The following PCID2 variants were observed in gnomAD, a reference collection of about 807,000 sequenced individuals.
PCID2 encodes PCI domain containing 2.
PCID2 carries 41 observed loss-of-function variants against 61.3 expected under a neutral mutation model. The observed-to-expected ratio is 0.67, with a 90% CI of 0.52 to 0.87. The LOEUF is 0.87. Ranked by LOEUF, PCID2 falls within the 40% of genes least tolerant of loss-of-function variation. The pLI is 0.00. For missense variants in PCID2, 392 were observed against 493.4 expected (o/e 0.79, Z 1.95); for synonymous variants, 187 against 177.8 (o/e 1.05, Z -0.41).
At chr13:113,171,740 G>T in the PCID2 span, 9 of 1,612,160 alleles carry the variant, frequency 5.6e-6, no homozygotes, top group Non-Finnish European at 6.8e-6. This position sits in a 1 kb window ranked among gnomAD's most constrained non-coding sequence, Gnocchi z 5.1. Context: ...GGGGCTCCCC[G>T]TGTGCACCCC....
intron 1 of PCID2, among the ~76,000 whole-genome samples, chr13:113,206,441 G>T (rs927085193): frequency 1.3e-5 from 2 of 152,190 alleles, no homozygotes; most frequent in African/African-American, 4.8e-5. Flanking sequence ...AGAAGGGATG[G>T]ATCTGAGAGA....
Position 113,179,002 on chromosome 13 carries a change from G to C in PCID2, c.1074C>G (p.Asp358Glu), listed in dbSNP as rs371416495. ...KFMQVEDVDI[D>E]EVQCILANLI... is the part of the protein sequence containing the mutation. ...AGTTAGCCAGAATACACTGAACTTCGTCAATGTCCACGTCCTCCACCTGCA... is the reference window on the plus strand; with the variant it reads ...AGTTAGCCAGAATACACTGAACTTCCTCAATGTCCACGTCCTCCACCTGCA... The change falls in exon 13 of 14, where the codon GAC becomes GAG. Residue 358 changes from aspartate (D) to glutamate (E), a missense_variant. Asp to Glu is a conservative substitution (Grantham distance 45, BLOSUM62 2). Coordinates refer to ENST00000337344, the MANE Select transcript of PCID2 (RefSeq NM_001127202.4). The surrounding 1 kb of genome is among the most constrained non-coding windows in gnomAD (Gnocchi z 4.3). 2 of 1,613,512 alleles carry C rather than the reference G, an allele frequency of 1.2e-6. No homozygotes were observed. The highest frequency in any genetic ancestry group is 1.7e-6 in the Non-Finnish European group (2 of 1,179,486).
At chr13:113,204,597 G>A (rs78603642) in intron 1 of PCID2, among the ~76,000 whole-genome samples, 2,796 of 152,220 alleles carry the variant, frequency 0.018, 78 homozygotes, top group African/African-American at 0.063. Context: ...GTGTCCCACG[G>A]GTGACCTGAC....
Position 113,197,588 on chromosome 13 carries a change from G to A in PCID2, c.201-345C>T, listed in dbSNP as rs147732032. On this transcript the variant is annotated intron_variant, in intron 3 of 13. Coordinates refer to ENST00000337344, the MANE Select transcript of PCID2 (RefSeq NM_001127202.4). ...CAGTGTTAGTTCATCGCCAAATCTG[G>A]AACCTATCGCACACTGCACAGAGCT... 1.1e-4 allele frequency among the ~76,000 whole-genome samples: 16 copies of A among 152,316 alleles called. No homozygotes were observed. The East Asian group carries it at 3.1e-3, about 29-fold the overall frequency.
the PCID2 span, chr13:113,165,014 G>T: frequency 1.3e-6 from 2 of 1,597,190 alleles, no homozygotes; most frequent in East Asian, 2.2e-5. Context: ...CGCTGAGAAG[G>T]CGCTGATTTT....
the PCID2 span, chr13:113,165,129 G>A: frequency 6.2e-7 from 1 of 1,608,922 alleles, no homozygotes; most frequent in South Asian, 1.1e-5. Flanking sequence ...AGGTAACAGA[G>A]CGCTCTCCGC....
chr13:113,206,273 G>T (rs9604036), intron 1 of PCID2, among the ~76,000 whole-genome samples: 3,563 of 152,288 alleles, frequency 0.023, 146 homozygotes, highest in African/African-American at 0.081. Context: ...CATGGTCCCA[G>T]AATTAGTAAA....
At chr13:113,183,059 C>T (rs923409630) in intron 9 of PCID2, among the ~76,000 whole-genome samples, 4 of 152,172 alleles carry the variant, frequency 2.6e-5, no homozygotes, top group African/African-American at 9.7e-5. Flanking sequence ...ACAATCAGGG[C>T]TCTAGGAATT....
chr13:113,172,966 A>G (rs992883999), downstream of PCID2, among the ~76,000 whole-genome samples: 1 of 152,164 alleles, frequency 6.6e-6, no homozygotes. Context: ...AACTTACCCC[A>G]AGATGATGAT....
At chr13:113,184,206 G>A in intron 9 of PCID2, 140 bp downstream of exon 9, 1 of 890,874 alleles carries the variant, frequency 1.1e-6, no homozygotes, top group Non-Finnish European at 1.7e-6. Context: ...ATCAGCTTTA[G>A]TGTCAAATAT....
intron 3 of PCID2, 119 bp from the exon 4 acceptor site, chr13:113,197,362 A>C (rs2138875887): frequency 1.4e-6 from 1 of 710,910 alleles, no homozygotes; most frequent in African/African-American, 1.7e-5. Context: ...GAGTGAAGGA[A>C]GAAACACACA....
At chr13:113,208,008 T>A in intron 1 of PCID2, 1 of 1,608,482 alleles carries the variant, frequency 6.2e-7, no homozygotes, top group Non-Finnish European at 8.5e-7. Context: ...CTTTTAACTG[T>A]GCTTCTGCTA....
intron 1 of PCID2, among the ~76,000 whole-genome samples, chr13:113,207,046 C>T (rs1215037855): frequency 6.6e-6 from 1 of 152,318 alleles, no homozygotes; most frequent in Non-Finnish European, 1.5e-5. Flanking sequence ...AAAAATGACT[C>T]TCTCCAATCC....
intron 7 of PCID2, among the ~76,000 whole-genome samples, chr13:113,190,084 A>C (rs1333205438): frequency 6.6e-6 from 1 of 152,126 alleles, no homozygotes; most frequent in East Asian, 1.9e-4. Context: ...GGATAATATC[A>C]TGCACTTAAC....
At chr13:113,167,038 T>C in the PCID2 span, among the ~76,000 whole-genome samples, 1 of 152,246 alleles carries the variant, frequency 6.6e-6, no homozygotes, top group Non-Finnish European at 1.5e-5. Context: ...TAAATTGTTC[T>C]GAAGTTATTT....
Position 113,179,079 on chromosome 13 carries a change from G to C in PCID2, c.997C>G (p.Leu333Val), listed in dbSNP as rs1321184900. The change falls in exon 13 of 14, where the codon CTG (leucine) becomes GTG (valine). Residue 333 changes from leucine to valine, a missense_variant. Leu to Val is a conservative substitution (Grantham distance 32, BLOSUM62 1). Around this residue, in one of 3 missense-constraint regions of PCID2, gnomAD observed 226 missense variants for 296.5 expected, o/e 0.76. Coordinates refer to ENST00000337344, the MANE Select transcript of PCID2 (RefSeq NM_001127202.4). The surrounding 1 kb of genome is among the most constrained non-coding windows in gnomAD (Gnocchi z 4.3). ...TCCAGAGACAGCTGGTGTGTTTTCAGTAACAAATACCTGGAAGAGGGGAGG... is the reference window on the plus strand; with the variant it reads ...TCCAGAGACAGCTGGTGTGTTTTCACTAACAAATACCTGGAAGAGGGGAGG... ...RNLFKKVYLL[L>V]KTHQLSLDAF... 1 of 1,613,652 alleles carries C rather than the reference G, an allele frequency of 6.2e-7. No homozygotes were observed. The highest frequency in any genetic ancestry group is 8.5e-7 in the Non-Finnish European group (1 of 1,179,728).
At chr13:113,201,832 AAAG>A (rs2039458869) in intron 1 of PCID2, among the ~76,000 whole-genome samples, 3 of 151,730 alleles carry the variant, frequency 2.0e-5, no homozygotes, top group African/African-American at 4.8e-5. Flanking sequence ...AAAAAAAAAA[AAAG>A]GACATAAAAA....
intron 2 of PCID2, among the ~76,000 whole-genome samples, chr13:113,200,096 T>G (rs2039304362): frequency 6.6e-6 from 1 of 152,178 alleles, no homozygotes; most frequent in African/African-American, 2.4e-5. Context: ...GGGAGACACC[T>G]GTGGTACATG....
chr13:113,165,041 C>A, the PCID2 span: 1 of 1,613,258 alleles, frequency 6.2e-7, no homozygotes, highest in Non-Finnish European at 8.5e-7. Context: ...CATGTTGCTG[C>A]CGCAAATGCA....
Sources: allele counts gnomAD v4.1 joint callset (sites outside exome capture counted in the v4.1 genomes callset), GRCh38; gene constraint gnomAD v4.1.1; regional missense constraint gnomAD v4.1.1; non-coding constraint Gnocchi (gnomAD v3.1); transcripts MANE v1.5; gene names NCBI Gene and HGNC (gene_info 2026-07-23, HGNC 2026-07-21).